The following CCDC7 variants were observed in gnomAD, a reference collection of about 807,000 sequenced individuals.
CCDC7 encodes the protein coiled-coil domain-containing protein 7.
Under a neutral mutation model 196.9 loss-of-function variants are expected in CCDC7, and 183 were observed. The ratio of observed to expected loss-of-function variants is 0.93; its 90% CI spans 0.82 to 1.05. CCDC7 has a LOEUF of 1.05. Ranked by LOEUF, CCDC7 falls within the 50% of genes least tolerant of loss-of-function variation. The pLI, the probability that CCDC7 is intolerant of heterozygous loss-of-function variation, is 0.00. For missense variants in CCDC7, 1,540 were observed against 1,482.2 expected, an observed-to-expected ratio of 1.04 and a Z score of -0.64; for synonymous variants, 525 against 484.6, an observed-to-expected ratio of 1.08 and a Z score of -1.10.
Position 32,637,167 on chromosome 10 carries a change from C to A in CCDC7, c.2014+2009C>A, listed in dbSNP as rs532809775. Among the ~76,000 whole-genome samples the A allele has an allele frequency of 2.6e-5, 4 of 152,262 alleles. No individual in the cohort carries two copies. The East Asian group carries it at 7.7e-4, about 29-fold the overall frequency. On this transcript the variant is annotated intron_variant, in intron 20 of 41. Transcript: ENST00000639629. ...TGAGTAGATTGCAAAAGTTTTCTCC[C>A]ATTCTGTAGGCTGCCTGTTCACTCT...
chr10:32,828,485 GGAAGAAGAAGAAGAAGAAGAA>G (rs68150303), intron 32 of CCDC7, among the ~76,000 whole-genome samples: 527 of 49,586 alleles, frequency 0.011, 6 homozygotes, highest in East Asian at 0.023. Flanking sequence ...AAGAGGAAGA[GGAAGAAGAAGAAGAAGAAGAA>G]GAAGAAGAAG....
intron 8 of CCDC7, among the ~76,000 whole-genome samples, chr10:32,483,035 A>G (rs1027943735): frequency 3.9e-5 from 6 of 152,176 alleles, no homozygotes; most frequent in African/African-American, 1.4e-4. Context: ...TGCTGGGTCA[A>G]ATGGTATTTC....
chr10:32,711,224 A>G lies in CCDC7; in HGVS notation c.2459-396A>G, dbSNP rs552111291. On this transcript the variant is annotated intron_variant, in intron 24 of 41. Coordinates refer to ENST00000639629, the Ensembl canonical transcript of CCDC7. The stretch of plus-strand genomic sequence containing the variant: ...TAACTGTGTGTGTGTGTATATATAT[A>G]TGTTCATTCAGCCAGTCTCCTGTGC... Among the ~76,000 whole-genome samples the G allele has an allele frequency of 3.2e-4, 48 of 151,980 alleles. No individual in the cohort carries two copies. In the South Asian group the frequency reaches 9.4e-3, roughly 30 times the overall value.
chr10:32,518,362 C>T, intron 10 of CCDC7, 54 bp from the exon 12 acceptor site: 2 of 1,495,590 alleles, frequency 1.3e-6, no homozygotes, highest in Middle Eastern at 2.4e-4. Flanking sequence ...TCTGAATAAC[C>T]TTTCTACATT....
At chr10:32,566,550 A>G (rs1234902609) in intron 14 of CCDC7, among the ~76,000 whole-genome samples, 1 of 152,128 alleles carries the variant, frequency 6.6e-6, no homozygotes, top group Non-Finnish European at 1.5e-5. Flanking sequence ...AAACATATCT[A>G]TGACATTATT....
intron 28 of CCDC7, among the ~76,000 whole-genome samples, chr10:32,755,127 A>G (rs2076221517): frequency 6.6e-6 from 1 of 152,146 alleles, no homozygotes; most frequent in Non-Finnish European, 1.5e-5. Context: ...GGAAGCTAGA[A>G]ATGGGTGGAG....
chr10:32,619,965 C>T (rs931793215), intron 18 of CCDC7, among the ~76,000 whole-genome samples: 15 of 124,060 alleles, frequency 1.2e-4, no homozygotes, highest in Non-Finnish European at 2.0e-4. Flanking sequence ...CCCTGTCACC[C>T]AGACTGGAAT....
chr10:32,697,731 C>G (rs886800844), intron 24 of CCDC7, among the ~76,000 whole-genome samples: 1 of 152,226 alleles, frequency 6.6e-6, no homozygotes, highest in African/African-American at 2.4e-5. Flanking sequence ...TGTATAGACT[C>G]CACCTCTGGG....
intron 20 of CCDC7, among the ~76,000 whole-genome samples, chr10:32,636,997 T>C (rs2065776925): frequency 2.0e-5 from 3 of 152,362 alleles, no homozygotes. Flanking sequence ...GAGCATTTTT[T>C]CATGTGTCTG....
intron 41 of CCDC7, among the ~76,000 whole-genome samples, chr10:32,864,041 A>G (rs1048954050): frequency 6.6e-6 from 1 of 151,748 alleles, no homozygotes; most frequent in African/African-American, 2.4e-5. Context: ...CTAATATCCT[A>G]ATTTTATAAG....
At chr10:32,572,314 T>C (rs2057674223) in intron 16 of CCDC7, among the ~76,000 whole-genome samples, 1 of 152,144 alleles carries the variant, frequency 6.6e-6, no homozygotes, top group South Asian at 2.1e-4. Context: ...TACACATAAA[T>C]AATTGAGTTG....
At chr10:32,806,424 C>T (rs541643485) in intron 30 of CCDC7, among the ~76,000 whole-genome samples, 1 of 151,952 alleles carries the variant, frequency 6.6e-6, no homozygotes, top group South Asian at 2.1e-4. Context: ...ACTTAGCAGA[C>T]AATGACTACA....
chr10:32,662,934 C>G (rs1461950287), intron 20 of CCDC7, among the ~76,000 whole-genome samples: 1 of 152,144 alleles, frequency 6.6e-6, no homozygotes, highest in Non-Finnish European at 1.5e-5. Flanking sequence ...TTGGAGGTGA[C>G]TGGAAGAGTG....
upstream of CCDC7, among the ~76,000 whole-genome samples, chr10:32,447,347 G>GTA (rs2031598720): frequency 6.6e-6 from 1 of 152,024 alleles, no homozygotes; most frequent in Non-Finnish European, 1.5e-5. Context: ...TGCTTTCTAT[G>GTA]TATATATAAC....
rs561525523 is a variant in CCDC7, at chr10:32,839,006, C to T, written c.3352+4108C>T. Among the ~76,000 whole-genome samples, 216 of 151,938 alleles carry T rather than the reference C, an allele frequency of 1.4e-3. 1 individual carries two copies. Among genetic ancestry groups the T allele is most frequent in the African/African-American group, 4.9e-3 (205 of 41,486 alleles). On this transcript the variant is annotated intron_variant, in intron 33 of 41. Coordinates refer to ENST00000639629, the Ensembl canonical transcript of CCDC7. ...GGAGCTCTAAATCTTGAAACAAACC[C>T]TCAAAATACACCAAAATAGAACCTC...
chr10:32,676,033 A>G (rs1330454129), intron 21 of CCDC7, among the ~76,000 whole-genome samples: 3 of 151,848 alleles, frequency 2.0e-5, no homozygotes, highest in African/African-American at 4.8e-5. Flanking sequence ...GTACCAAAAC[A>G]GAGATATAGA....
intron 13 of CCDC7, among the ~76,000 whole-genome samples, chr10:32,549,763 A>G (rs75626219): frequency 0.038 from 5,721 of 151,998 alleles, 352 homozygotes; most frequent in African/African-American, 0.13. Flanking sequence ...TTTCTGTTCC[A>G]TTGTCAGTGT....
At chr10:32,590,877 C>T (rs1576990) in intron 18 of CCDC7, among the ~76,000 whole-genome samples, 149,771 of 152,282 alleles carry the variant, frequency 0.98, 73,688 homozygotes, top group Middle Eastern at 1. Context: ...TTGTATGTTA[C>T]TTGTTTTTTT....
chr10:32,815,995 C>A (rs1474809253), intron 31 of CCDC7, among the ~76,000 whole-genome samples: 2 of 152,148 alleles, frequency 1.3e-5, no homozygotes, highest in Admixed American at 1.3e-4. Context: ...GTTGGCAGGA[C>A]AGTGGGTGCA....
Sources: allele counts gnomAD v4.1 joint callset (sites outside exome capture counted in the v4.1 genomes callset), GRCh38; gene constraint gnomAD v4.1.1; transcripts MANE v1.5; gene names NCBI Gene and HGNC (gene_info 2026-07-23, HGNC 2026-07-21).